Variants in PPP1R13B observed in about 807,000 individuals in gnomAD.
PPP1R13B encodes protein phosphatase 1 regulatory subunit 13B.
Under a neutral mutation model 119.8 loss-of-function variants are expected in PPP1R13B, and 44 were observed. The ratio of observed to expected loss-of-function variants is 0.37; its 90% CI spans 0.29 to 0.47. The LOEUF is 0.47. PPP1R13B is among the 20% of genes least tolerant of loss of function. The pLI is 0.99. For synonymous variants in PPP1R13B, 542 were observed against 561.5 expected (o/e 0.97, Z 0.49); for missense variants, 1,227 against 1,413.5 (o/e 0.87, Z 2.12).
At chr14:103,847,577 C>G (rs985537740), upstream of PPP1R13B, 3 of 985,426 alleles carry the variant, frequency 3.0e-6, no homozygotes, top group Admixed American at 6.2e-5. Flanking sequence ...CGACAGCCTG[C>G]GGCCCGCCCG....
intron 1 of PPP1R13B, among the ~76,000 whole-genome samples, chr14:103,819,899 G>A (rs552844040): frequency 3.3e-5 from 5 of 152,284 alleles, no homozygotes; most frequent in South Asian, 2.1e-4. Flanking sequence ...ATTTTACAAA[G>A]AGAAACCTGA....
At position 103,740,930 on chromosome 14, in the gene PPP1R13B, C is replaced by A. The variant is rs960182211; in HGVS notation, c.1823-337G>T. On this transcript the variant is annotated intron_variant, in intron 11 of 16. Transcript: ENST00000202556. This position sits in a 1 kb window ranked among gnomAD's most constrained non-coding sequence, Gnocchi z 4.6. ...TGGCCAAGGAAAAAGACAAAAACCA[C>A]TAAACATGCATCTGATTCTTGGACT... Among the ~76,000 whole-genome samples, 2 of 152,262 alleles carry A rather than the reference C, an allele frequency of 1.3e-5. No individual in the cohort carries two copies. Among genetic ancestry groups the A allele is most frequent in the African/African-American group, 4.8e-5 (2 of 41,478 alleles).
chr14:103,744,694 C>T (rs558667528), intron 9 of PPP1R13B, among the ~76,000 whole-genome samples: 104 of 152,364 alleles, frequency 6.8e-4, no homozygotes, highest in African/African-American at 2.5e-3. Context: ...ATGAGCTGGT[C>T]ACTCTGGGTT....
rs549113257 is a variant in PPP1R13B at position 103,737,323 on chromosome 14, G to A, written c.3031+371C>T. The A allele has an allele frequency of 3.9e-5, 7 of 178,276 alleles. No homozygotes were observed. In the South Asian group the frequency reaches 9.2e-4, roughly 23 times the overall value. 11.0% of individuals were successfully genotyped at this position (178,276 alleles called of 1,614,324 possible). ...TCACACCTGTGATCCCAGCACTTTA[G>A]GAGGCTGAAAGTGGGCAGATCGCTG... On this transcript the variant is annotated intron_variant, in intron 15 of 16. Coordinates refer to ENST00000202556, the MANE Select transcript of PPP1R13B (RefSeq NM_015316.3).
At chr14:103,805,407 C>CA (rs1280623347) in intron 1 of PPP1R13B, among the ~76,000 whole-genome samples, 1 of 151,834 alleles carries the variant, frequency 6.6e-6, no homozygotes, top group East Asian at 1.9e-4. Context: ...CCCGCCTCTA[C>CA]AAAAAATTCA....
chr14:103,733,281 C>A lies in PPP1R13B; in HGVS notation c.*1873G>T. ...GGGTGGGAGAGACTGAGCTACACTA[C>A]TGCTAAACTATTTTTAGCATAATAT... is the stretch of plus-strand genomic sequence containing the variant. On this transcript the variant is annotated 3_prime_UTR_variant, in exon 17 of 17. Coordinates refer to ENST00000202556, the MANE Select transcript of PPP1R13B (RefSeq NM_015316.3). 1 of 466,528 alleles carries A rather than the reference C, an allele frequency of 2.1e-6. No homozygotes were observed. The allele number at this position is 466,528 out of a possible 1,614,324, so 28.9% of individuals were successfully genotyped here. A position where few individuals can be genotyped will look rare whatever the true frequency, so the allele number is the denominator to read the frequency against.
intron 4 of PPP1R13B, among the ~76,000 whole-genome samples, chr14:103,766,224 G>C (rs2084936487): frequency 6.6e-6 from 1 of 152,006 alleles, no homozygotes; most frequent in Non-Finnish European, 1.5e-5. Flanking sequence ...TATCCAGGAT[G>C]GTCTTGATCT....
intron 1 of PPP1R13B, among the ~76,000 whole-genome samples, chr14:103,808,475 T>C (rs368380146): frequency 6.6e-6 from 1 of 152,278 alleles, no homozygotes; most frequent in East Asian, 1.9e-4. Context: ...AAAACATATA[T>C]ATATCATGAT....
At chr14:103,748,200 A>C (rs1295358325) in intron 8 of PPP1R13B, among the ~76,000 whole-genome samples, 2 of 152,360 alleles carry the variant, frequency 1.3e-5, no homozygotes, top group Middle Eastern at 3.4e-3. Flanking sequence ...GCACAGGGAA[A>C]GTGCTTGCAG....
chr14:103,761,762 C>CA (rs1215810979), intron 4 of PPP1R13B, among the ~76,000 whole-genome samples: 2,511 of 104,678 alleles, frequency 0.024, 48 homozygotes, highest in African/African-American at 0.068. Context: ...GACTCCATCT[C>CA]AAAAAAAAAA....
chr14:103,832,133 C>A (rs2086677082), intron 1 of PPP1R13B, among the ~76,000 whole-genome samples: 1 of 151,784 alleles, frequency 6.6e-6, no homozygotes, highest in South Asian at 2.1e-4. Flanking sequence ...AGTTATGTTT[C>A]TATTGCACAC....
intron 1 of PPP1R13B, among the ~76,000 whole-genome samples, chr14:103,830,502 G>C (rs141399529): frequency 1.3e-5 from 2 of 152,164 alleles, no homozygotes; most frequent in Non-Finnish European, 2.9e-5. Context: ...GAGACGCAGA[G>C]AAATTAAGTA....
intron 1 of PPP1R13B, among the ~76,000 whole-genome samples, chr14:103,806,975 G>A (rs1172566689): frequency 6.6e-6 from 1 of 152,016 alleles, no homozygotes; most frequent in Non-Finnish European, 1.5e-5. Context: ...AAACCTTCCC[G>A]TGGTTTCCTC....
intron 4 of PPP1R13B, among the ~76,000 whole-genome samples, chr14:103,766,779 TG>T (rs1437352782): frequency 6.6e-6 from 1 of 152,118 alleles, no homozygotes; most frequent in Non-Finnish European, 1.5e-5. Flanking sequence ...AGCTAATTTT[TG>T]TATTTTTAGT....
At chr14:103,784,695 A>C in intron 3 of PPP1R13B, 100 bp downstream of exon 3, 11 of 1,131,430 alleles carry the variant, frequency 9.7e-6, no homozygotes, top group Non-Finnish European at 8.2e-6. Flanking sequence ...TTGTAAGTGC[A>C]GGGCCGGGTG....
At chr14:103,834,756 A>AT (rs774859280) in intron 1 of PPP1R13B, among the ~76,000 whole-genome samples, 4 of 151,034 alleles carry the variant, frequency 2.6e-5, no homozygotes, top group South Asian at 2.1e-4. Context: ...ATGCCTGGCT[A>AT]TTTTTTTTGT....
At chr14:103,768,216 A>G (rs2084981741) in intron 4 of PPP1R13B, among the ~76,000 whole-genome samples, 1 of 151,754 alleles carries the variant, frequency 6.6e-6, no homozygotes, top group African/African-American at 2.4e-5. Flanking sequence ...CCGGGGTTCA[A>G]GTGATTCTCC....
intron 2 of PPP1R13B, among the ~76,000 whole-genome samples, chr14:103,787,461 A>G (rs1480999460): frequency 6.6e-6 from 1 of 151,434 alleles, no homozygotes; most frequent in Non-Finnish European, 1.5e-5. Context: ...TGTCTCAAAA[A>G]AGAAAGTTCA....
chr14:103,759,325 C>T (rs888752644), intron 4 of PPP1R13B: 1 of 146,092 alleles, frequency 6.8e-6, no homozygotes, highest in East Asian at 2.1e-4. Flanking sequence ...CAATACGGTA[C>T]AAGATTTTTT....
Sources: allele counts gnomAD v4.1 joint callset (sites outside exome capture counted in the v4.1 genomes callset), GRCh38; gene constraint gnomAD v4.1.1; non-coding constraint Gnocchi (gnomAD v3.1); transcripts MANE v1.5; gene names NCBI Gene and HGNC (gene_info 2026-07-23, HGNC 2026-07-21).